Variants in IMMP2L observed in about 807,000 individuals in gnomAD.
IMMP2L encodes the protein mitochondrial inner membrane protease subunit 2.
IMMP2L carries 18 observed loss-of-function variants against 19.3 expected under a neutral mutation model. The observed-to-expected ratio is 0.93, with a 90% CI of 0.64 to 1.38. The LOEUF is 1.38. Ranked by LOEUF, IMMP2L falls within the 40% of genes most tolerant of loss-of-function variation. IMMP2L has a pLI of 0.00. For missense variants in IMMP2L, 233 were observed against 218.2 expected (o/e 1.07, Z -0.43); for synonymous variants, 76 against 73.0 (o/e 1.04, Z -0.21).
At chr7:111,304,206 T>C (rs1822579456) in intron 3 of IMMP2L, among the ~76,000 whole-genome samples, 1 of 152,128 alleles carries the variant, frequency 6.6e-6, no homozygotes, top group African/African-American at 2.4e-5. Flanking sequence ...GAAGATATTG[T>C]TAACAGAAGT....
chr7:110,984,863 G>A (rs774159664), intron 3 of IMMP2L, among the ~76,000 whole-genome samples: 5 of 152,042 alleles, frequency 3.3e-5, no homozygotes, highest in Non-Finnish European at 5.9e-5. Context: ...AAATACGTGA[G>A]CTTTCATAGC....
Position 110,924,395 on chromosome 7 carries a change from A to G in IMMP2L, c.306-37700T>C, listed in dbSNP as rs1390197429. 1.3e-5 allele frequency among the ~76,000 whole-genome samples: 2 copies of G among 152,102 alleles called. No homozygotes were observed. Among genetic ancestry groups the G allele is most frequent in the East Asian group, 3.9e-4 (2 of 5,182 alleles). Reference sequence around the variant, plus strand: ...TTCCATTTCAGCGCTACCTTTGCCAACGGAGTCCTGCAATGACATACCAGA... The same window carrying G: ...TTCCATTTCAGCGCTACCTTTGCCAGCGGAGTCCTGCAATGACATACCAGA... On this transcript the variant is annotated intron_variant, in intron 4 of 5. Coordinates refer to ENST00000405709, the MANE Select transcript of IMMP2L (RefSeq NM_032549.4). This position sits in a 1 kb window ranked among gnomAD's most constrained non-coding sequence, Gnocchi z 4.2.
Position 110,757,681 on chromosome 7 carries a change from A to G in IMMP2L, c.409-93960T>C, listed in dbSNP as rs1361902077. Among the ~76,000 whole-genome samples the G allele has an allele frequency of 6.6e-6, 1 of 152,128 alleles. No individual in the cohort carries two copies. Among genetic ancestry groups the G allele is most frequent in the African/African-American group, 2.4e-5 (1 of 41,444 alleles). ...CCAGCAGTGGTAACAGCTCTGCTTT[A>G]TCAGGCCTGGGATATGCATATCCTT... On this transcript the variant is annotated intron_variant, in intron 5 of 5. Transcript: ENST00000405709. This position sits in a 1 kb window ranked among gnomAD's most constrained non-coding sequence, Gnocchi z 4.2.
intron 3 of IMMP2L, among the ~76,000 whole-genome samples, chr7:111,187,223 C>A (rs1362339998): frequency 6.6e-6 from 1 of 152,108 alleles, no homozygotes; most frequent in Non-Finnish European, 1.5e-5. Context: ...TTAGGCCCTT[C>A]CCTTTCTGGC....
chr7:110,875,418 G>T (rs1808967416), intron 5 of IMMP2L, among the ~76,000 whole-genome samples: 1 of 152,070 alleles, frequency 6.6e-6, no homozygotes. Context: ...ACAGAAGAAT[G>T]CAATACAGTG....
intron 3 of IMMP2L, among the ~76,000 whole-genome samples, chr7:111,290,537 C>T (rs1820975170): frequency 1.3e-5 from 2 of 151,594 alleles, no homozygotes; most frequent in African/African-American, 4.8e-5. Flanking sequence ...TTAAATCCTA[C>T]AGACCCTACT....
At chr7:111,338,499 A>T (rs188887420) in intron 3 of IMMP2L, among the ~76,000 whole-genome samples, 1 of 152,274 alleles carries the variant, frequency 6.6e-6, no homozygotes, top group Non-Finnish European at 1.5e-5. Context: ...ATATGCCATA[A>T]ATCAAACAAT....
At position 111,012,072 on chromosome 7, in the gene IMMP2L, G is replaced by A. The variant is rs529238903; in HGVS notation, c.240-48507C>T. Among the ~76,000 whole-genome samples, 12 of 152,128 alleles carry A rather than the reference G, an allele frequency of 7.9e-5. No homozygotes were observed. In the East Asian group the frequency reaches 1.5e-3, roughly 20 times the overall value. ...TGAGTAACAGATATTTATGGAGTTC[G>A]AGTGGGAAAAAAGGTACAGGGAGAG... On this transcript the variant is annotated intron_variant, in intron 3 of 5. Coordinates refer to ENST00000405709, the MANE Select transcript of IMMP2L (RefSeq NM_032549.4).
chr7:110,663,514 G>T lies in IMMP2L; in HGVS notation c.*88C>A. 1 of 1,106,746 alleles carries T rather than the reference G, an allele frequency of 9.0e-7. No individual in the cohort carries two copies. Among genetic ancestry groups the T allele is most frequent in the East Asian group, 2.4e-5 (1 of 42,308 alleles). The allele number at this position is 1,106,746 out of a possible 1,614,324, so 68.6% of individuals were successfully genotyped here. On this transcript the variant is annotated 3_prime_UTR_variant, in exon 6 of 6. Coordinates refer to ENST00000405709, the MANE Select transcript of IMMP2L (RefSeq NM_032549.4). The stretch of plus-strand genomic sequence containing the variant: ...TTTCTCGCACAGCATCATATTGTCA[G>T]AAGTTTTTCCCTTTTGGAGGCTTCT...
At chr7:110,697,991 A>G (rs775827528) in intron 5 of IMMP2L, among the ~76,000 whole-genome samples, 3 of 152,224 alleles carry the variant, frequency 2.0e-5, no homozygotes, top group African/African-American at 7.2e-5. Context: ...TTAAATATAC[A>G]TGTCACTAAA....
chr7:110,840,768 T>C (rs6960391), intron 5 of IMMP2L, among the ~76,000 whole-genome samples: 143,701 of 152,190 alleles, frequency 0.94, 67,871 homozygotes, highest in East Asian at 0.97. Flanking sequence ...GTATCACATA[T>C]ATACTCATTT....
chr7:111,120,910 G>T (rs1452719965), intron 3 of IMMP2L, among the ~76,000 whole-genome samples: 1 of 151,326 alleles, frequency 6.6e-6, no homozygotes, highest in African/African-American at 2.4e-5. Context: ...TTCATTTATT[G>T]GCCTTTTATG....
chr7:110,975,902 T>A (rs1820640132), intron 3 of IMMP2L, among the ~76,000 whole-genome samples: 1 of 152,146 alleles, frequency 6.6e-6, no homozygotes, highest in Admixed American at 6.6e-5. Context: ...CTCAGTAATA[T>A]AATTTCATAT....
Position 111,323,721 on chromosome 7 carries a change from G to A in IMMP2L, c.239+163517C>T, listed in dbSNP as rs368700705. On this transcript the variant is annotated intron_variant, in intron 3 of 5. Transcript: ENST00000405709. ...GTTTATTGCGGCACTATTCACAACA[G>A]CAAAGATTTGGAACCAACTCAAATG... 2.3e-3 allele frequency among the ~76,000 whole-genome samples: 348 copies of A among 152,162 alleles called. 4 individuals are homozygous for A. The highest frequency in any genetic ancestry group is 8.0e-3 in the African/African-American group (332 of 41,536).
At chr7:110,827,450 G>T (rs755132701) in intron 5 of IMMP2L, among the ~76,000 whole-genome samples, 2 of 152,144 alleles carry the variant, frequency 1.3e-5, no homozygotes, top group Non-Finnish European at 2.9e-5. Flanking sequence ...CAAGCATTAG[G>T]TTGCTTCTAT....
intron 3 of IMMP2L, among the ~76,000 whole-genome samples, chr7:111,462,870 A>G (rs1840264999): frequency 6.6e-6 from 1 of 152,160 alleles, no homozygotes; most frequent in Non-Finnish European, 1.5e-5. Context: ...CTGTGGCTAT[A>G]TATACACTTA....
In IMMP2L at chr7:111,355,059, C is replaced by T. The variant is rs913359809; in HGVS notation, c.239+132179G>A. Among the ~76,000 whole-genome samples the T allele has an allele frequency of 4.6e-5, 7 of 151,720 alleles. No individual in the cohort carries two copies. In the East Asian group the frequency reaches 1.2e-3, roughly 25 times the overall value. ...AACGTACTAATGAATTTAGTTTTTC[C>T]CAAGGTAATCTTTAGCAGCAGCATC... On this transcript the variant is annotated intron_variant, in intron 3 of 5. Transcript: ENST00000405709.
chr7:110,747,736 A>G (rs555256927), intron 5 of IMMP2L, among the ~76,000 whole-genome samples: 2 of 152,230 alleles, frequency 1.3e-5, no homozygotes, highest in Non-Finnish European at 2.9e-5. Flanking sequence ...CTAGGCATTG[A>G]TGGAACGTAT....
intron 3 of IMMP2L, among the ~76,000 whole-genome samples, chr7:111,287,967 T>C (rs1820680289): frequency 6.6e-6 from 1 of 152,208 alleles, no homozygotes; most frequent in Non-Finnish European, 1.5e-5. Context: ...GAATCTGGGT[T>C]TCCATAAGCT....
Sources: allele counts gnomAD v4.1 joint callset (sites outside exome capture counted in the v4.1 genomes callset), GRCh38; gene constraint gnomAD v4.1.1; non-coding constraint Gnocchi (gnomAD v3.1); transcripts MANE v1.5; gene names NCBI Gene and HGNC (gene_info 2026-07-23, HGNC 2026-07-21).